CFAP107: variants seen among roughly 807,000 people sequenced by gnomAD.
CFAP107 encodes the protein cilia- and flagella-associated protein 107.
the CFAP107 span, chr1:12,761,264 A>T: frequency 4.0e-6 from 1 of 252,020 alleles, no homozygotes; most frequent in Non-Finnish European, 7.5e-6. Flanking sequence ...CAAGAGGGGA[A>T]ACTGAGGCCC....
the CFAP107 span, among the ~76,000 whole-genome samples, chr1:12,752,514 C>T: frequency 7.5e-6 from 1 of 134,020 alleles, no homozygotes; most frequent in African/African-American, 3.0e-5. Flanking sequence ...TTGCAGTGAG[C>T]CAAGATCTCA....
chr1:12,749,596 G>A, the CFAP107 span, among the ~76,000 whole-genome samples: 14 of 152,240 alleles, frequency 9.2e-5, no homozygotes, highest in Admixed American at 2.0e-4. Context: ...GGGAAACAGA[G>A]TGAGAGTGAG....
the CFAP107 span, among the ~76,000 whole-genome samples, chr1:12,753,011 A>G: frequency 6.6e-6 from 1 of 152,212 alleles, no homozygotes; most frequent in Non-Finnish European, 1.5e-5. Context: ...CCCATACACA[A>G]ACTGTTAGAA....
chr1:12,760,047 G>A, the CFAP107 span, among the ~76,000 whole-genome samples: 1 of 152,134 alleles, frequency 6.6e-6, no homozygotes, highest in Non-Finnish European at 1.5e-5. Context: ...GAAAAGTGAG[G>A]GGTGGTCTTT....
chr1:12,751,375 C>A, the CFAP107 span, among the ~76,000 whole-genome samples: 1 of 151,902 alleles, frequency 6.6e-6, no homozygotes, highest in African/African-American at 2.4e-5. Context: ...GCCTGTAATC[C>A]CAGCACTTTG....
chr1:12,746,365 C>G, the CFAP107 span: 2 of 1,361,178 alleles, frequency 1.5e-6, no homozygotes, highest in Non-Finnish European at 2.1e-6. Context: ...CTTCATAACA[C>G]CTTCCTCTCC....
chr1:12,755,841 C>T, the CFAP107 span: 1 of 1,485,466 alleles, frequency 6.7e-7, no homozygotes, highest in Non-Finnish European at 9.4e-7. Context: ...CTGGGACACT[C>T]AGGCCTGGAC....
At chr1:12,753,475 A>G in the CFAP107 span, 11 of 152,172 alleles carry the variant, frequency 7.2e-5, no homozygotes, top group African/African-American at 2.2e-4. Context: ...AAACTTACTA[A>G]AAGCTACAGT....
chr1:12,752,442 G>A, the CFAP107 span, among the ~76,000 whole-genome samples: 1 of 151,232 alleles, frequency 6.6e-6, no homozygotes, highest in Non-Finnish European at 1.5e-5. Context: ...AAAATTAGCT[G>A]GGCATAGTGG....
the CFAP107 span, chr1:12,762,009 G>C: frequency 6.6e-6 from 1 of 152,260 alleles, no homozygotes; most frequent in South Asian, 2.1e-4. Context: ...AGAAATTCCA[G>C]CAGACACCTT....
At chr1:12,757,801 A>G in the CFAP107 span, among the ~76,000 whole-genome samples, 2 of 151,686 alleles carry the variant, frequency 1.3e-5, no homozygotes, top group African/African-American at 4.9e-5. Context: ...TGTTTGCTTC[A>G]TGTTGCCCTC....
At chr1:12,755,350 AGCCGAGATT>A in the CFAP107 span, among the ~76,000 whole-genome samples, 4 of 152,070 alleles carry the variant, frequency 2.6e-5, no homozygotes, top group South Asian at 8.3e-4. Context: ...GGTTGCAGTG[AGCCGAGATT>A]GCGCCACTGC....
At chr1:12,750,271 C>A in the CFAP107 span, among the ~76,000 whole-genome samples, 1 of 151,866 alleles carries the variant, frequency 6.6e-6, no homozygotes, top group African/African-American at 2.4e-5. Context: ...CAAAATGTGG[C>A]CCTCAAAAAT....
At chr1:12,751,355 G>T in the CFAP107 span, among the ~76,000 whole-genome samples, 1 of 152,142 alleles carries the variant, frequency 6.6e-6, no homozygotes, top group Non-Finnish European at 1.5e-5. Flanking sequence ...GACCGGGCGC[G>T]GTGGCTCATG....
At chr1:12,753,703 A>G in the CFAP107 span, 4 of 152,162 alleles carry the variant, frequency 2.6e-5, no homozygotes, top group African/African-American at 9.7e-5. Flanking sequence ...CCCTAATTCC[A>G]TATACAAAAC....
chr1:12,753,936 A>T, the CFAP107 span: 2 of 152,104 alleles, frequency 1.3e-5, no homozygotes, highest in Non-Finnish European at 2.9e-5. Flanking sequence ...AGAAGAAAAC[A>T]TCGGGGAAAA....
the CFAP107 span, among the ~76,000 whole-genome samples, chr1:12,757,273 C>A: frequency 1.8e-4 from 27 of 152,136 alleles, no homozygotes; most frequent in Admixed American, 9.8e-4. Flanking sequence ...CCACCCACCA[C>A]CCCCCCGCAT....
chr1:12,755,692 T>C, the CFAP107 span: 13 of 1,591,232 alleles, frequency 8.2e-6, no homozygotes, highest in African/African-American at 1.7e-4. Flanking sequence ...ATATTTGGTC[T>C]TTTCCAGTTC....
At chr1:12,747,576 G>A in the CFAP107 span, among the ~76,000 whole-genome samples, 1 of 152,260 alleles carries the variant, frequency 6.6e-6, no homozygotes, top group Non-Finnish European at 1.5e-5. Context: ...AAGTGGGCAA[G>A]GAAAAGAAGG....
Sources: gnomAD v4.1 joint callset for allele counts (sites outside exome capture counted in the v4.1 genomes callset) on GRCh38, gnomAD v4.1.1 for gene constraint, MANE v1.5 for transcripts, NCBI Gene and HGNC (gene_info 2026-07-23, HGNC 2026-07-21) for gene names.